Variants in RNF150 observed in about 807,000 individuals in gnomAD.
The protein encoded by RNF150 is ring finger protein 150.
Under a neutral mutation model 39.3 loss-of-function variants are expected in RNF150, and 24 were observed. That is an observed-to-expected ratio of 0.61 (90% CI 0.44 to 0.86). The LOEUF (loss-of-function observed/expected upper bound fraction) is 0.86, where lower values mean the gene tolerates loss of function less well. RNF150 is among the 40% of genes least tolerant of loss of function. The probability of loss-of-function intolerance (pLI) is 0.00; values close to 1 mark genes in which losing one functional copy is unlikely to be tolerated. For missense variants in RNF150, 502 were observed against 587.8 expected, an observed-to-expected ratio of 0.85 and a Z score of 1.51; for synonymous variants, 255 against 227.3, an observed-to-expected ratio of 1.12 and a Z score of -1.10.
intron 1 of RNF150, among the ~76,000 whole-genome samples, chr4:140,968,514 TGTTTCCACTGAACCAC>T (rs1184746113): frequency 6.6e-6 from 1 of 151,908 alleles, no homozygotes. Flanking sequence ...GGAAACAGCA[TGTTTCCACTGAACCAC>T]GTACCAAGCA....
chr4:141,073,958 A>G (rs1234661472), intron 1 of RNF150, among the ~76,000 whole-genome samples: 1 of 152,000 alleles, frequency 6.6e-6, no homozygotes, highest in Non-Finnish European at 1.5e-5. Flanking sequence ...AAGCCAAGCA[A>G]GGGGGTGATT....
At chr4:141,146,574 C>T (rs962102388) in intron 1 of RNF150, among the ~76,000 whole-genome samples, 1 of 21,828 alleles carries the variant, frequency 4.6e-5, no homozygotes, top group Admixed American at 7.2e-4. Flanking sequence ...CTGTAATTAT[C>T]AGCAATATGT....
chr4:141,140,681 A>G (rs1201988312), intron 1 of RNF150, among the ~76,000 whole-genome samples: 2 of 152,222 alleles, frequency 1.3e-5, no homozygotes, highest in African/African-American at 4.8e-5. Flanking sequence ...CATTCAGAGC[A>G]CTGTGCACTG....
In RNF150 at chr4:140,862,058, T is replaced by C. The variant is rs1451979279; in HGVS notation, c.*6203A>G. 1 of 152,214 alleles carries C rather than the reference T, an allele frequency of 6.6e-6. No individual in the cohort carries two copies. Among genetic ancestry groups the C allele is most frequent in the African/African-American group, 2.4e-5 (1 of 41,452 alleles). 9.4% of individuals were successfully genotyped at this position (152,214 alleles called of 1,614,324 possible). A position where few individuals can be genotyped will look rare whatever the true frequency, so the allele number is the denominator to read the frequency against. On this transcript the variant is annotated 3_prime_UTR_variant, in exon 7 of 7. Transcript: ENST00000515673. The stretch of plus-strand genomic sequence containing the variant: ...AAACATGTGTTCATTTGGATGGTGA[T>C]CAGTCTTTGGTTTATATAGCACACA...
chr4:140,996,705 T>G (rs780948486), intron 1 of RNF150, among the ~76,000 whole-genome samples: 4 of 152,224 alleles, frequency 2.6e-5, no homozygotes, highest in Non-Finnish European at 5.9e-5. Flanking sequence ...ATGATCTAGT[T>G]AGGGAAAAAA....
chr4:141,001,695 A>C (rs1439982199), intron 1 of RNF150, among the ~76,000 whole-genome samples: 1 of 152,124 alleles, frequency 6.6e-6, no homozygotes, highest in Non-Finnish European at 1.5e-5. Flanking sequence ...TATTAGATGT[A>C]AGCACAAAGA....
chr4:140,895,204 C>T (rs1408362063), intron 6 of RNF150, among the ~76,000 whole-genome samples: 2 of 152,142 alleles, frequency 1.3e-5, no homozygotes, highest in African/African-American at 4.8e-5. Flanking sequence ...ACTGTTTGAA[C>T]ATTTTTCCTT....
intron 4 of RNF150, among the ~76,000 whole-genome samples, chr4:140,935,498 TAC>T (rs931229794): frequency 6.6e-6 from 1 of 152,140 alleles, no homozygotes; most frequent in African/African-American, 2.4e-5. Flanking sequence ...ACGAGGTTAT[TAC>T]AGTGCAAGAC....
Position 140,863,438 on chromosome 4 carries a change from A to G in RNF150, c.*4823T>C. ...TTATAGTAAACAGGTTTGCCTCATC[A>G]GAAGTGAATATGGATATTGCTACAC... On this transcript the variant is annotated 3_prime_UTR_variant, in exon 7 of 7. Transcript: ENST00000515673. 6.6e-6 allele frequency: 1 copy of G among 152,346 alleles called. No homozygotes were observed. The highest frequency in any genetic ancestry group is 2.1e-4 in the South Asian group (1 of 4,826). 9.4% of individuals were successfully genotyped at this position (152,346 alleles called of 1,614,324 possible). A position where few individuals can be genotyped will look rare whatever the true frequency, so the allele number is the denominator to read the frequency against.
intron 1 of RNF150, among the ~76,000 whole-genome samples, chr4:141,064,609 TAAC>T (rs34490674): frequency 7.3e-5 from 11 of 151,144 alleles, no homozygotes; most frequent in African/African-American, 2.7e-4. Context: ...GCACCATCTC[TAAC>T]AACAACAACA....
intron 4 of RNF150, among the ~76,000 whole-genome samples, chr4:140,938,032 G>A (rs537519807): frequency 1.3e-5 from 2 of 152,120 alleles, no homozygotes; most frequent in South Asian, 4.1e-4. Context: ...GCTAGAAAGT[G>A]CCCTTTTGTT....
At chr4:141,128,296 C>G (rs1029792341) in intron 1 of RNF150, among the ~76,000 whole-genome samples, 2 of 152,158 alleles carry the variant, frequency 1.3e-5, no homozygotes, top group African/African-American at 4.8e-5. Flanking sequence ...AACAAGCAAT[C>G]GAGGTATGGT....
intron 1 of RNF150, among the ~76,000 whole-genome samples, chr4:141,053,127 C>T (rs1736842740): frequency 2.0e-5 from 3 of 152,188 alleles, no homozygotes; most frequent in South Asian, 4.1e-4. Flanking sequence ...AAAGTTACCA[C>T]TTTCCCGATC....
chr4:141,017,317 T>C (rs983588923), intron 1 of RNF150, among the ~76,000 whole-genome samples: 1 of 152,150 alleles, frequency 6.6e-6, no homozygotes, highest in Non-Finnish European at 1.5e-5. Context: ...AGACATCTTT[T>C]AAATTAATAT....
intron 6 of RNF150, among the ~76,000 whole-genome samples, chr4:140,889,386 GT>G (rs1269529307): frequency 1.3e-5 from 2 of 152,152 alleles, no homozygotes; most frequent in African/African-American, 4.8e-5. Flanking sequence ...GAATTCTGGA[GT>G]TGGTATTTTA....
At chr4:141,212,207 G>C (rs1365437452) in intron 1 of RNF150, among the ~76,000 whole-genome samples, 1 of 152,128 alleles carries the variant, frequency 6.6e-6, no homozygotes, top group Non-Finnish European at 1.5e-5. Flanking sequence ...GGGGGCTGTG[G>C]ATCTCCAACA....
chr4:141,055,419 G>A (rs1736930715), intron 1 of RNF150, among the ~76,000 whole-genome samples: 1 of 152,130 alleles, frequency 6.6e-6, no homozygotes, highest in Non-Finnish European at 1.5e-5. Flanking sequence ...AAGAGAGAAT[G>A]AGTTTTATTC....
intron 1 of RNF150, among the ~76,000 whole-genome samples, chr4:140,990,020 C>A (rs535318573): frequency 8.5e-4 from 130 of 152,276 alleles, no homozygotes; most frequent in Middle Eastern, 6.8e-3. Context: ...TTCCTTTGGA[C>A]CTGTTTTCAG....
At chr4:141,159,000 A>G (rs1385278070) in intron 1 of RNF150, among the ~76,000 whole-genome samples, 4 of 152,212 alleles carry the variant, frequency 2.6e-5, no homozygotes, top group Admixed American at 2.0e-4. Context: ...GAATCGTTTC[A>G]TAAAAGAAAG....
Sources: gnomAD v4.1 joint callset for allele counts (sites outside exome capture counted in the v4.1 genomes callset) on GRCh38, gnomAD v4.1.1 for gene constraint, MANE v1.5 for transcripts, NCBI Gene and HGNC (gene_info 2026-07-23, HGNC 2026-07-21) for gene names.